Variants in RNF43 observed in about 807,000 individuals in gnomAD.
RNF43 encodes E3 ubiquitin-protein ligase RNF43.
A neutral mutation model predicts 78.4 loss-of-function variants in RNF43; 37 were observed. That is an observed-to-expected ratio of 0.47 (90% CI 0.36 to 0.62). The LOEUF (loss-of-function observed/expected upper bound fraction) is 0.62. Ranked by LOEUF, RNF43 falls within the 20% of genes least tolerant of loss-of-function variation. The probability of loss-of-function intolerance (pLI) is 0.00; values close to 1 mark genes in which losing one functional copy is unlikely to be tolerated. For missense variants in RNF43, 774 were observed against 1,007.9 expected (o/e 0.77, Z 3.14); for synonymous variants, 347 against 395.0 (o/e 0.88, Z 1.44).
chr17:58,393,133 C>T (rs1215606868), intron 2 of RNF43, among the ~76,000 whole-genome samples: 3 of 152,168 alleles, frequency 2.0e-5, no homozygotes, highest in Non-Finnish European at 4.4e-5. Context: ...TTGGGCCAGG[C>T]ACGGTGACTT....
At chr17:58,389,184 C>T (rs1357670511) in intron 2 of RNF43, among the ~76,000 whole-genome samples, 1 of 151,972 alleles carries the variant, frequency 6.6e-6, no homozygotes, top group African/African-American at 2.4e-5. Flanking sequence ...AGAGCTTGAA[C>T]TCTGGTAGTA....
intron 3 of RNF43, among the ~76,000 whole-genome samples, chr17:58,367,151 C>T (rs1021938899): frequency 6.6e-6 from 1 of 152,082 alleles, no homozygotes; most frequent in African/African-American, 2.4e-5. Flanking sequence ...CAGGTGCGTG[C>T]CACCACGCCT....
chr17:58,361,387 A>C (rs764417795), intron 6 of RNF43, among the ~76,000 whole-genome samples: 1 of 152,144 alleles, frequency 6.6e-6, no homozygotes, highest in Non-Finnish European at 1.5e-5. Flanking sequence ...CATATCCCAC[A>C]ATCAATCCAT....
chr17:58,360,472 C>T lies in RNF43; in HGVS notation c.850-221G>A, dbSNP rs574046011. On this transcript the variant is annotated intron_variant, in intron 7 of 9. Coordinates refer to ENST00000407977, the MANE Select transcript of RNF43 (RefSeq NM_017763.6). This position sits in a 1 kb window ranked among gnomAD's most constrained non-coding sequence, Gnocchi z 4.3. ...AACTTTCTTAACAGACAGTTTTCTGCTGTAAAATGAAGATAAAAAAATGAA... is the reference window on the plus strand; with the variant it reads ...AACTTTCTTAACAGACAGTTTTCTGTTGTAAAATGAAGATAAAAAAATGAA... 1.4e-3 allele frequency among the ~76,000 whole-genome samples: 211 copies of T among 152,322 alleles called. 1 individual carries two copies. Among genetic ancestry groups the T allele is most frequent in the Middle Eastern group, 0.014 (4 of 294 alleles).
intron 9 of RNF43, among the ~76,000 whole-genome samples, chr17:58,355,941 G>A (rs2143371459): frequency 6.6e-6 from 1 of 152,316 alleles, no homozygotes; most frequent in Non-Finnish European, 1.5e-5. Flanking sequence ...GATAAAGCTA[G>A]CCAAGATACA....
chr17:58,406,478 T>G (rs1241228469), intron 2 of RNF43, among the ~76,000 whole-genome samples: 1 of 152,164 alleles, frequency 6.6e-6, no homozygotes, highest in Non-Finnish European at 1.5e-5. Context: ...TTCTGCCACT[T>G]TTCCCTCCCC....
In RNF43 at chr17:58,399,643, A is replaced by AT. The variant is rs1370117543; in HGVS notation, c.252+15682dup. On this transcript the variant is annotated intron_variant, in intron 2 of 9. Transcript: ENST00000407977. ...GAGCAACTGTCCCAGAGTAGCAGCA[A>AT]TTTTTTTTTTTTTTTTGAGACAAAG... is the stretch of plus-strand genomic sequence containing the variant. Among the ~76,000 whole-genome samples, 613 of 142,578 alleles carry AT rather than the reference A, an allele frequency of 4.3e-3. 2 individuals carry two copies. Among genetic ancestry groups the AT allele is most frequent in the South Asian group, 0.012 (54 of 4,478 alleles). 93.5% of individuals were successfully genotyped at this position (142,578 alleles called of 152,430 possible).
chr17:58,403,855 C>T (rs1238945613), intron 2 of RNF43, among the ~76,000 whole-genome samples: 1 of 152,176 alleles, frequency 6.6e-6, no homozygotes, highest in Admixed American at 6.5e-5. Flanking sequence ...TACTTAGGAT[C>T]AGAAGCATCC....
chr17:58,412,414 C>A (rs1019514380), intron 2 of RNF43, among the ~76,000 whole-genome samples: 2 of 152,040 alleles, frequency 1.3e-5, no homozygotes, highest in Admixed American at 6.6e-5. Flanking sequence ...TTTCTTCTAG[C>A]GCTTTTAGAA....
intron 2 of RNF43, among the ~76,000 whole-genome samples, chr17:58,386,119 A>G (rs1387326387): frequency 2.7e-5 from 4 of 147,586 alleles, no homozygotes; most frequent in Admixed American, 2.0e-4. Flanking sequence ...ACAAAAAACG[A>G]AAAAACAACA....
At chr17:58,406,985 G>A (rs917131596) in intron 2 of RNF43, among the ~76,000 whole-genome samples, 1 of 151,532 alleles carries the variant, frequency 6.6e-6, no homozygotes, top group Non-Finnish European at 1.5e-5. Context: ...CATCATGACA[G>A]GGTATTCTAG....
At chr17:58,376,431 C>G (rs1162624653) in intron 2 of RNF43, among the ~76,000 whole-genome samples, 1 of 152,092 alleles carries the variant, frequency 6.6e-6, no homozygotes, top group South Asian at 2.1e-4. Context: ...TGTGGTATGA[C>G]AATCATACTC....
chr17:58,397,663 CAA>C (rs573256327), intron 2 of RNF43, among the ~76,000 whole-genome samples: 11 of 78,042 alleles, frequency 1.4e-4, no homozygotes, highest in African/African-American at 1.9e-4. Context: ...AACTCCGTCT[CAA>C]AAAAAAAAAA....
At chr17:58,378,676 T>G (rs1242496779) in intron 2 of RNF43, among the ~76,000 whole-genome samples, 1 of 152,190 alleles carries the variant, frequency 6.6e-6, no homozygotes, top group African/African-American at 2.4e-5. Context: ...GAGTGCACAC[T>G]AGCAGGGGAT....
At position 58,358,471 on chromosome 17, in the gene RNF43, T is replaced by A. The variant is rs886802096; in HGVS notation, c.1305A>T (p.Leu435=). ...SQHPAACPVP[L]RRARPPDSSG... ...TGCTGTCAGGGGGCCTGGCCCGGCG[T>A]AGGGGCACTGGGCAAGCAGCAGGGT... Residue 435 remains leucine (L), a synonymous_variant, in exon 9 of 10, where the codon CTA becomes CTT. Transcript: ENST00000407977. This position sits in a 1 kb window ranked among gnomAD's most constrained non-coding sequence, Gnocchi z 6.2. The A allele has an allele frequency of 1.2e-6, 2 of 1,613,966 alleles. No individual in the cohort carries two copies. Among genetic ancestry groups the A allele is most frequent in the Middle Eastern group, 3.3e-4 (2 of 6,062 alleles).
Position 58,360,102 on chromosome 17 carries a change from T to G in RNF43, c.952+47A>C. ...CCTTTCCCAAAGGGAAGCCACATTC[T>G]AGACCTGTCTGCCTACACAGAGGGG... On this transcript the variant is annotated intron_variant, in intron 8 of 9. Transcript: ENST00000407977. This position sits in a 1 kb window ranked among gnomAD's most constrained non-coding sequence, Gnocchi z 4.3. 1 of 1,449,416 alleles carries G rather than the reference T, an allele frequency of 6.9e-7. No individual in the cohort carries two copies. The highest frequency in any genetic ancestry group is 2.2e-4 in the Middle Eastern group (1 of 4,616). The allele number at this position is 1,449,416 out of a possible 1,614,324, so 89.8% of individuals were successfully genotyped here.
intron 2 of RNF43, among the ~76,000 whole-genome samples, chr17:58,401,823 TA>T (rs3030936): frequency 0.56 from 81,172 of 144,334 alleles, 22,677 homozygotes; most frequent in East Asian, 0.66. Flanking sequence ...ATTCCTAGCA[TA>T]AAAAAAAAAA....
At chr17:58,376,105 G>A (rs1341118884) in intron 2 of RNF43, among the ~76,000 whole-genome samples, 1 of 152,156 alleles carries the variant, frequency 6.6e-6, no homozygotes, top group Non-Finnish European at 1.5e-5. Context: ...CAGAAGCGGT[G>A]GGTCCCTGGA....
intron 2 of RNF43, among the ~76,000 whole-genome samples, chr17:58,405,700 C>CAGACAGAA (rs1973892686): frequency 9.1e-6 from 1 of 110,158 alleles, no homozygotes; most frequent in African/African-American, 3.5e-5. Flanking sequence ...TCTCTAATGA[C>CAGACAGAA]AGAAAGAAAG....
Sources: gnomAD v4.1 joint callset for allele counts (sites outside exome capture counted in the v4.1 genomes callset) on GRCh38, gnomAD v4.1.1 for gene constraint, Gnocchi (gnomAD v3.1) non-coding constraint, MANE v1.5 for transcripts, NCBI Gene and HGNC (gene_info 2026-07-23, HGNC 2026-07-21) for gene names.